The following PIK3C2G variants were observed in gnomAD, a reference collection of about 807,000 sequenced individuals.
PIK3C2G encodes phosphatidylinositol-4-phosphate 3-kinase catalytic subunit type 2 gamma.
Under a neutral mutation model 181.1 loss-of-function variants are expected in PIK3C2G, and 168 were observed. That is an observed-to-expected ratio of 0.93 (90% CI 0.82 to 1.05). PIK3C2G has a LOEUF of 1.05. Ranked by LOEUF, PIK3C2G falls within the 50% of genes least tolerant of loss-of-function variation. The probability of loss-of-function intolerance (pLI) is 0.00; values close to 1 mark genes in which losing one functional copy is unlikely to be tolerated. For synonymous variants in PIK3C2G, 573 were observed against 592.2 expected, an observed-to-expected ratio of 0.97 and a Z score of 0.47; for missense variants, 1,869 against 1,732.8, an observed-to-expected ratio of 1.08 and a Z score of -1.40.
At chr12:18,700,205 T>C in the PIK3C2G span, among the ~76,000 whole-genome samples, 70 of 152,142 alleles carry the variant, frequency 4.6e-4, no homozygotes, top group African/African-American at 1.6e-3. Context: ...TTACTATTTA[T>C]TTTTTTCCTA....
chr12:18,415,084 A>G (rs1335726999), intron 16 of PIK3C2G, among the ~76,000 whole-genome samples: 3 of 152,208 alleles, frequency 2.0e-5, no homozygotes, highest in Non-Finnish European at 2.9e-5. Flanking sequence ...GTACTGTATT[A>G]CTAATTTTTT....
At chr12:18,446,317 T>C (rs1372520569) in intron 18 of PIK3C2G, among the ~76,000 whole-genome samples, 5 of 152,152 alleles carry the variant, frequency 3.3e-5, no homozygotes, top group African/African-American at 1.2e-4. Context: ...CTCTTGCCCC[T>C]GGCTTTTGGT....
At chr12:18,312,726 A>G (rs1011423844) in intron 5 of PIK3C2G, among the ~76,000 whole-genome samples, 1 of 152,164 alleles carries the variant, frequency 6.6e-6, no homozygotes, top group African/African-American at 2.4e-5. Flanking sequence ...AACAGTTGGG[A>G]TAGGAATAGG....
chr12:18,428,448 T>C (rs894524500), intron 18 of PIK3C2G, among the ~76,000 whole-genome samples: 2 of 152,102 alleles, frequency 1.3e-5, no homozygotes, highest in Non-Finnish European at 2.9e-5. Flanking sequence ...CTAAATATCC[T>C]GTCTTGCTCA....
At position 18,371,311 on chromosome 12, in the gene PIK3C2G, A is replaced by G; in HGVS notation, c.1880A>G (p.Glu627Gly). The change falls in exon 13 of 33, where the codon GAA becomes GGA. Residue 627 changes from glutamate to glycine, a missense_variant and splice_region_variant. Transcript: ENST00000538779. ...AWTCLPLFPKEKSILGSMLFS... is the reference protein window; with the variant it reads ...AWTCLPLFPKGKSILGSMLFS... The stretch of plus-strand genomic sequence containing the variant: ...ACTTGTCTTCCACTGTTTCCAAAAG[A>G]GTAAGTGTATCAATTGTGAGTAATA... 1.2e-6 allele frequency: 2 copies of G among 1,604,790 alleles called. No homozygotes were observed. Among genetic ancestry groups the G allele is most frequent in the Non-Finnish European group, 1.7e-6 (2 of 1,176,194 alleles).
chr12:18,334,540 AGTGCTCCATCT>A (rs1451403140), intron 8 of PIK3C2G, among the ~76,000 whole-genome samples: 1 of 152,144 alleles, frequency 6.6e-6, no homozygotes, highest in Non-Finnish European at 1.5e-5. Context: ...CTCCACACTA[AGTGCTCCATCT>A]GTGACCCAAA....
intron 5 of PIK3C2G, among the ~76,000 whole-genome samples, chr12:18,302,138 C>T (rs1950202347): frequency 6.6e-6 from 1 of 152,262 alleles, no homozygotes; most frequent in Admixed American, 6.5e-5. Flanking sequence ...CCTGGGTAGC[C>T]TATGTGGGCA....
At chr12:18,260,457 G>A (rs1948203954), upstream of PIK3C2G, among the ~76,000 whole-genome samples, 1 of 151,944 alleles carries the variant, frequency 6.6e-6, no homozygotes, top group African/African-American at 2.4e-5. Context: ...CCACTTCTAG[G>A]TCAAGCTCCC....
At chr12:18,276,168 G>A (rs1051226676) in intron 1 of PIK3C2G, among the ~76,000 whole-genome samples, 12 of 152,068 alleles carry the variant, frequency 7.9e-5, no homozygotes, top group Admixed American at 2.0e-4. Context: ...TTCCTCAAAT[G>A]CCACTAGGTT....
intron 31 of PIK3C2G, among the ~76,000 whole-genome samples, chr12:18,628,532 A>G (rs547900536): frequency 6.5e-4 from 99 of 152,334 alleles, no homozygotes; most frequent in African/African-American, 2.3e-3. Flanking sequence ...GGTATATTTA[A>G]TTATTCATGT....
At chr12:18,665,377 T>C in the PIK3C2G span, among the ~76,000 whole-genome samples, 1 of 152,108 alleles carries the variant, frequency 6.6e-6, no homozygotes, top group Non-Finnish European at 1.5e-5. Context: ...GCTAAAATAG[T>C]ATGTTTTATA....
chr12:18,284,596 A>G (rs1949363123), intron 2 of PIK3C2G, among the ~76,000 whole-genome samples: 1 of 152,188 alleles, frequency 6.6e-6, no homozygotes, highest in African/African-American at 2.4e-5. Context: ...TGGTTATTAA[A>G]AGTATGTTCA....
chr12:18,261,803 C>A (rs1305659743), intron 1 of PIK3C2G, among the ~76,000 whole-genome samples: 3 of 152,032 alleles, frequency 2.0e-5, no homozygotes, highest in Non-Finnish European at 4.4e-5. Context: ...CCTGAATAAA[C>A]TTATTCTTTC....
At chr12:18,356,005 TGTGGCCTTCCGGCAATACTGAGGA>T (rs1442403478) in intron 11 of PIK3C2G, among the ~76,000 whole-genome samples, 1 of 152,150 alleles carries the variant, frequency 6.6e-6, no homozygotes, top group African/African-American at 2.4e-5. Flanking sequence ...GGTCCAGTCT[TGTGGCCTTCCGGCAATACTGAGGA>T]GTGGCCTTGG....
chr12:18,320,926 C>T, intron 6 of PIK3C2G, 36 bp from the exon 7 acceptor site: 2 of 1,161,282 alleles, frequency 1.7e-6, no homozygotes, highest in East Asian at 2.4e-5. Context: ...CATTCCTATT[C>T]ACTCAATAAA....
chr12:18,581,094 C>T (rs1946476638), intron 29 of PIK3C2G, among the ~76,000 whole-genome samples: 1 of 152,202 alleles, frequency 6.6e-6, no homozygotes, highest in South Asian at 2.1e-4. Context: ...TTTTAAGTAA[C>T]TTTGAATTGA....
upstream of PIK3C2G, among the ~76,000 whole-genome samples, chr12:18,257,821 GAGAA>G (rs377042005): frequency 1.8e-3 from 234 of 128,584 alleles, 1 homozygote; most frequent in African/African-American, 5.9e-3. Context: ...GAAGGAGAAA[GAGAA>G]AGAAAGAGAA....
chr12:18,529,624 T>C (rs962249299), intron 24 of PIK3C2G, among the ~76,000 whole-genome samples: 8 of 152,350 alleles, frequency 5.3e-5, no homozygotes, highest in African/African-American at 1.9e-4. Flanking sequence ...AGTACGTATG[T>C]ATTTGTTTAA....
intron 2 of PIK3C2G, among the ~76,000 whole-genome samples, 155 bp from the exon 3 acceptor site, chr12:18,286,692 A>T (rs143165914): frequency 1.1e-4 from 17 of 152,216 alleles, no homozygotes; most frequent in Admixed American, 6.5e-5. Flanking sequence ...AGATCTGTGC[A>T]TTTTTCTATG....
Sources: gnomAD v4.1 joint callset for allele counts (sites outside exome capture counted in the v4.1 genomes callset) on GRCh38, gnomAD v4.1.1 for gene constraint, MANE v1.5 for transcripts, NCBI Gene and HGNC (gene_info 2026-07-23, HGNC 2026-07-21) for gene names.